The following GANC variants were observed in gnomAD, a reference collection of about 807,000 sequenced individuals.
GANC encodes neutral alpha-glucosidase C.
A neutral mutation model predicts 124.2 loss-of-function variants in GANC; 117 were observed. The ratio of observed to expected loss-of-function variants is 0.94; its 90% CI spans 0.81 to 1.10. The LOEUF is 1.10. Among genes scored for constraint, GANC ranks in the 50% least tolerant of loss-of-function variants. GANC has a pLI of 0.00. For missense variants in GANC, 1,140 were observed against 1,095.0 expected, an observed-to-expected ratio of 1.04 and a Z score of -0.58; for synonymous variants, 377 against 376.8, an observed-to-expected ratio of 1.00 and a Z score of -0.01.
chr15:42,334,946 A>G (rs561507919), intron 15 of GANC, among the ~76,000 whole-genome samples: 1 of 152,302 alleles, frequency 6.6e-6, no homozygotes, highest in East Asian at 1.9e-4. Context: ...AAAGACTAAT[A>G]ACGAGCTCCA....
At chr15:42,308,489 T>C (rs1326362548) in intron 8 of GANC, among the ~76,000 whole-genome samples, 171 bp downstream of exon 8, 2 of 152,150 alleles carry the variant, frequency 1.3e-5, no homozygotes, top group Non-Finnish European at 2.9e-5. Flanking sequence ...GAGCAGTGGT[T>C]TTCCTTTTTT....
intron 17 of GANC, 66 bp from the exon 18 acceptor site, chr15:42,340,624 A>T: frequency 1.6e-6 from 2 of 1,261,262 alleles, no homozygotes; most frequent in Non-Finnish European, 2.2e-6. Flanking sequence ...AAAACTAAAA[A>T]TATAAGTGAT....
intron 3 of GANC, among the ~76,000 whole-genome samples, chr15:42,286,145 T>C (rs1050995860): frequency 1.3e-5 from 2 of 152,216 alleles, no homozygotes; most frequent in Admixed American, 6.5e-5. Context: ...TTGCCCATTT[T>C]TGCCTACTCA....
intron 13 of GANC, 50 bp from the exon 14 acceptor site, chr15:42,329,256 A>G: frequency 1.3e-6 from 2 of 1,567,390 alleles, no homozygotes; most frequent in Non-Finnish European, 1.7e-6. Flanking sequence ...GACAGCTATT[A>G]TATAGACATC....
intron 5 of GANC, among the ~76,000 whole-genome samples, chr15:42,293,724 A>G (rs1323124779): frequency 6.6e-6 from 1 of 151,622 alleles, no homozygotes; most frequent in African/African-American, 2.4e-5. Flanking sequence ...CAGAACAAAT[A>G]TCTGTGTACC....
rs892311964 is a variant in GANC, at chr15:42,352,627, C to G, written c.*488C>G. 12 of 994,378 alleles carry G rather than the reference C, an allele frequency of 1.2e-5. No homozygotes were observed. In the African/African-American group the frequency reaches 2.1e-4, roughly 17 times the overall value. 61.6% of individuals were successfully genotyped at this position (994,378 alleles called of 1,614,324 possible). A position where few individuals can be genotyped will look rare whatever the true frequency, so the allele number is the denominator to read the frequency against. ...ACCCACATGGACTGGGCAGAGCAGC[C>G]CTCTTCTGTGTGCACTGCATACGCT... is the stretch of plus-strand genomic sequence containing the variant. On this transcript the variant is annotated 3_prime_UTR_variant, in exon 24 of 24. Coordinates refer to ENST00000318010, the MANE Select transcript of GANC (RefSeq NM_198141.3).
intron 10 of GANC, chr15:42,314,201 C>G (rs528202545): frequency 9.3e-6 from 7 of 755,286 alleles, no homozygotes; most frequent in East Asian, 4.9e-5. Context: ...GAAAATATTC[C>G]CCACAAGGAG....
intron 16 of GANC, 78 bp from the exon 17 acceptor site, chr15:42,339,591 T>C: frequency 6.5e-7 from 1 of 1,540,222 alleles, no homozygotes; most frequent in Non-Finnish European, 8.8e-7. Flanking sequence ...CTCCTGTCGG[T>C]CTTCAAGACC....
At chr15:42,350,758 G>C (rs2052425686) in intron 22 of GANC, among the ~76,000 whole-genome samples, 1 of 151,596 alleles carries the variant, frequency 6.6e-6, no homozygotes, top group Middle Eastern at 3.2e-3. Context: ...GTTTCGTCAT[G>C]TTGGGCAGGC....
intron 22 of GANC, among the ~76,000 whole-genome samples, chr15:42,349,708 C>T (rs1000813474): frequency 3.9e-5 from 6 of 151,932 alleles, no homozygotes; most frequent in African/African-American, 9.7e-5. Context: ...AGTGCAGTGG[C>T]GTGATCTCAG....
chr15:42,302,458 A>C (rs900345909), intron 6 of GANC, among the ~76,000 whole-genome samples: 1 of 152,190 alleles, frequency 6.6e-6, no homozygotes, highest in African/African-American at 2.4e-5. Flanking sequence ...CCAAACGATC[A>C]CAGCTTCTCA....
chr15:42,333,451 G>A (rs1595781490), intron 15 of GANC, among the ~76,000 whole-genome samples: 2 of 152,098 alleles, frequency 1.3e-5, no homozygotes, highest in African/African-American at 4.8e-5. Flanking sequence ...TTCAGAAGTA[G>A]TATATATTTC....
Position 42,273,238 on chromosome 15 carries a change from G to A in GANC, c.-1244G>A. On this transcript the variant is annotated 5_prime_UTR_variant, in exon 1 of 24. The change creates a new upstream start codon in the 5' untranslated region. Coordinates refer to ENST00000318010, the MANE Select transcript of GANC (RefSeq NM_198141.3). ...CTTGCTCCTCTAGGTTCAGACGTTA[G>A]TGAAGTGAATACTCACCGACGGTAT... 1 of 1,613,208 alleles carries A rather than the reference G, an allele frequency of 6.2e-7. No individual in the cohort carries two copies. The highest frequency in any genetic ancestry group is 1.7e-5 in the Admixed American group (1 of 60,020).
chr15:42,343,751 C>T (rs909891836), intron 19 of GANC, among the ~76,000 whole-genome samples: 2 of 152,132 alleles, frequency 1.3e-5, no homozygotes, highest in Non-Finnish European at 2.9e-5. Context: ...CAGCGGTCTG[C>T]AGGCAGAGAG....
At position 42,352,368 on chromosome 15, in the gene GANC, C is replaced by A; in HGVS notation, c.*229C>A. Reference sequence around the variant, plus strand: ...CCTTGTATCAAACATCTCCTTTTCTCCCTGATACATAGCCCTGAGACATTT... The same window carrying A: ...CCTTGTATCAAACATCTCCTTTTCTACCTGATACATAGCCCTGAGACATTT... On this transcript the variant is annotated 3_prime_UTR_variant, in exon 24 of 24. Coordinates refer to ENST00000318010, the MANE Select transcript of GANC (RefSeq NM_198141.3). The A allele has an allele frequency of 3.0e-6, 4 of 1,320,962 alleles. No homozygotes were observed. Among genetic ancestry groups the A allele is most frequent in the Non-Finnish European group, 3.9e-6 (4 of 1,029,790 alleles). 81.8% of individuals were successfully genotyped at this position (1,320,962 alleles called of 1,614,324 possible).
At chr15:42,339,305 A>AACACACACACACACACACACAC (rs60116980) in intron 16 of GANC, among the ~76,000 whole-genome samples, 3 of 119,172 alleles carry the variant, frequency 2.5e-5, no homozygotes, top group African/African-American at 6.4e-5. Flanking sequence ...ACCCCCCTCC[A>AACACACACACACACACACACAC]ACACACACAC....
At chr15:42,292,674 A>G in intron 4 of GANC, 61 bp from the exon 5 acceptor site, 1 of 1,483,372 alleles carries the variant, frequency 6.7e-7, no homozygotes, top group South Asian at 1.2e-5. Context: ...GGAAGTACAA[A>G]TCACATAGGG....
intron 2 of GANC, among the ~76,000 whole-genome samples, chr15:42,277,783 G>T (rs1232083248): frequency 6.6e-6 from 1 of 151,524 alleles, no homozygotes; most frequent in Admixed American, 6.6e-5. Context: ...TGTATTTTTA[G>T]TAGAGAGGGG....
chr15:42,347,261 G>A (rs562888822), intron 20 of GANC, among the ~76,000 whole-genome samples: 32 of 151,880 alleles, frequency 2.1e-4, no homozygotes, highest in Non-Finnish European at 4.1e-4. Context: ...TCTCACTGCC[G>A]AGGCAAGTTA....
Sources: gnomAD v4.1 joint callset for allele counts (sites outside exome capture counted in the v4.1 genomes callset) on GRCh38, gnomAD v4.1.1 for gene constraint, MANE v1.5 for transcripts, NCBI Gene and HGNC (gene_info 2026-07-23, HGNC 2026-07-21) for gene names.